GPHN: variants seen among roughly 807,000 people sequenced by gnomAD.
GPHN encodes the protein gephyrin.
A neutral mutation model predicts 95.5 loss-of-function variants in GPHN; 17 were observed. The ratio of observed to expected loss-of-function variants is 0.18; its 90% CI spans 0.12 to 0.27. The LOEUF (loss-of-function observed/expected upper bound fraction) is 0.27, where lower values mean the gene tolerates loss of function less well. Among genes scored for constraint, GPHN ranks in the 10% least tolerant of loss-of-function variants. The pLI is 1.00. For missense variants in GPHN, 660 were observed against 978.1 expected, an observed-to-expected ratio of 0.67 and a Z score of 4.34; for synonymous variants, 320 against 322.5, an observed-to-expected ratio of 0.99 and a Z score of 0.08.
rs180769312 is a variant in GPHN, at chr14:66,828,801, A to G, written c.294+4235A>G. 5.3e-5 allele frequency among the ~76,000 whole-genome samples: 8 copies of G among 150,128 alleles called. No homozygotes were observed. The South Asian group carries it at 8.3e-4, about 16-fold the overall frequency. ...CTCCAGGTCTATTAAAAATGAGAAT[A>G]GAATATCAAGTATAGTAAAGTTTAT... On this transcript the variant is annotated intron_variant, in intron 4 of 22. Transcript: ENST00000478722.
intron 10 of GPHN, among the ~76,000 whole-genome samples, chr14:67,057,746 G>A (rs2075662006): frequency 6.7e-6 from 1 of 150,280 alleles, no homozygotes; most frequent in Non-Finnish European, 1.5e-5. Flanking sequence ...CTTTCTGCTG[G>A]ACTGTTACAT....
chr14:66,866,432 A>G (rs953141836), intron 4 of GPHN, among the ~76,000 whole-genome samples: 2 of 152,198 alleles, frequency 1.3e-5, no homozygotes, highest in African/African-American at 4.8e-5. Context: ...GTGGAATATG[A>G]AGATACGTAT....
the GPHN span, among the ~76,000 whole-genome samples, chr14:67,317,723 T>G: frequency 2.0e-5 from 3 of 152,224 alleles, no homozygotes; most frequent in Non-Finnish European, 4.4e-5. Context: ...CTACTTAAAC[T>G]CTTTGCAAAA....
chr14:66,990,627 A>T (rs929449200), intron 9 of GPHN, among the ~76,000 whole-genome samples: 1 of 152,172 alleles, frequency 6.6e-6, no homozygotes, highest in Non-Finnish European at 1.5e-5. Context: ...TTTGTTCTGA[A>T]TTAACAGACT....
chr14:67,238,807 C>A, the GPHN span, among the ~76,000 whole-genome samples: 243 of 152,062 alleles, frequency 1.6e-3, no homozygotes, highest in African/African-American at 5.6e-3. Context: ...TCATGCCCAG[C>A]TAATTTTGTA....
At chr14:67,582,102 G>A in the GPHN span, 24 of 1,612,750 alleles carry the variant, frequency 1.5e-5, no homozygotes, top group East Asian at 1.6e-4. This position sits in a 1 kb window ranked among gnomAD's most constrained non-coding sequence, Gnocchi z 5.0. Flanking sequence ...AAGGGGAGAC[G>A]GACCGAGAAC....
At chr14:67,263,797 GCTTTT>G in the GPHN span, among the ~76,000 whole-genome samples, 30 of 152,328 alleles carry the variant, frequency 2.0e-4, no homozygotes, top group South Asian at 1.0e-3. Context: ...TAGTGTTGCT[GCTTTT>G]ACTTCTACTG....
At chr14:66,851,059 A>T (rs562031944) in intron 4 of GPHN, among the ~76,000 whole-genome samples, 33 of 152,066 alleles carry the variant, frequency 2.2e-4, no homozygotes, top group African/African-American at 7.7e-4. Flanking sequence ...TGCCTGAGGG[A>T]CTTACTTAGT....
At chr14:66,896,826 C>T (rs10131703) in intron 5 of GPHN, among the ~76,000 whole-genome samples, 36,507 of 150,378 alleles carry the variant, frequency 0.24, 8,784 homozygotes, top group African/African-American at 0.59. Flanking sequence ...CAAAAAAAAA[C>T]AAAGACAAGT....
intron 4 of GPHN, among the ~76,000 whole-genome samples, chr14:66,861,889 G>A (rs2063037605): frequency 1.3e-5 from 2 of 151,804 alleles, no homozygotes; most frequent in African/African-American, 2.4e-5. Context: ...TCAAAAAAAG[G>A]AAAAAATTCA....
chr14:67,519,921 C>G, the GPHN span, among the ~76,000 whole-genome samples: 1 of 152,054 alleles, frequency 6.6e-6, no homozygotes, highest in Non-Finnish European at 1.5e-5. Flanking sequence ...CTGGATCTCC[C>G]TATGTTGCTC....
At chr14:67,009,363 T>A (rs1445036583) in intron 9 of GPHN, among the ~76,000 whole-genome samples, 2 of 152,160 alleles carry the variant, frequency 1.3e-5, no homozygotes, top group African/African-American at 2.4e-5. Context: ...GGAGAGGTAA[T>A]CTGGATGAAA....
At chr14:66,728,843 G>A (rs2071495907) in intron 2 of GPHN, among the ~76,000 whole-genome samples, 1 of 152,142 alleles carries the variant, frequency 6.6e-6, no homozygotes, top group African/African-American at 2.4e-5. Flanking sequence ...GGCATGATTA[G>A]TTTTGAAATG....
the GPHN span, chr14:67,228,324 C>T: frequency 2.2e-6 from 1 of 452,330 alleles, no homozygotes; most frequent in Non-Finnish European, 2.9e-6. Context: ...TTTATTTTAC[C>T]TGTATTTAGT....
intron 1 of GPHN, among the ~76,000 whole-genome samples, chr14:66,532,722 T>C (rs1254898650): frequency 6.6e-6 from 1 of 152,166 alleles, no homozygotes; most frequent in Non-Finnish European, 1.5e-5. Flanking sequence ...CTAGGAACAT[T>C]GGACCCAGGG....
Position 66,974,549 on chromosome 14 carries a change from A to C in GPHN, c.963+9224A>C, listed in dbSNP as rs140736556. Reference sequence around the variant, plus strand: ...AATGAAATTTGATATCTGAGAAGATATAGCAAACCAAAAATTGCTAACTGT... The same window carrying C: ...AATGAAATTTGATATCTGAGAAGATCTAGCAAACCAAAAATTGCTAACTGT... On this transcript the variant is annotated intron_variant, in intron 9 of 22. Transcript: ENST00000478722. Among the ~76,000 whole-genome samples the C allele has an allele frequency of 3.1e-3, 471 of 152,270 alleles. 11 individuals carry two copies. Among genetic ancestry groups the C allele is most frequent in the African/African-American group, 0.011 (446 of 41,580 alleles).
chr14:67,696,650 C>T, the GPHN span, among the ~76,000 whole-genome samples: 1 of 152,096 alleles, frequency 6.6e-6, no homozygotes, highest in South Asian at 2.1e-4. Context: ...TTTGCCAACT[C>T]GTGAAAGTAT....
intron 17 of GPHN, among the ~76,000 whole-genome samples, chr14:67,122,998 G>T (rs1179620126): frequency 6.6e-6 from 1 of 152,156 alleles, no homozygotes; most frequent in Non-Finnish European, 1.5e-5. Flanking sequence ...GTGATCAAAA[G>T]CAAGTCTACA....
At chr14:67,643,538 T>C in the GPHN span, among the ~76,000 whole-genome samples, 2 of 152,144 alleles carry the variant, frequency 1.3e-5, no homozygotes, top group Admixed American at 6.6e-5. Context: ...TAAGAACTTA[T>C]CCAAGGTGGG....
Sources: allele counts gnomAD v4.1 joint callset (sites outside exome capture counted in the v4.1 genomes callset), GRCh38; gene constraint gnomAD v4.1.1; non-coding constraint Gnocchi (gnomAD v3.1); transcripts MANE v1.5; gene names NCBI Gene and HGNC (gene_info 2026-07-23, HGNC 2026-07-21).